NBEA: variants seen among roughly 807,000 people sequenced by gnomAD.
The protein encoded by NBEA is lysosomal-trafficking regulator 2.
In NBEA, 44 loss-of-function variants were observed where a neutral mutation model predicts 343.4. That is an observed-to-expected ratio of 0.13 (90% CI 0.10 to 0.16). The LOEUF (loss-of-function observed/expected upper bound fraction) is 0.16. Among genes scored for constraint, NBEA ranks in the 10% least tolerant of loss-of-function variants. The probability of loss-of-function intolerance (pLI) is 1.00; values close to 1 mark genes in which losing one functional copy is unlikely to be tolerated. For missense variants in NBEA, 2,555 were observed against 3,631.3 expected (o/e 0.70, Z 7.62); for synonymous variants, 1,175 against 1,238.7 (o/e 0.95, Z 1.08).
chr13:35,119,258 T>C (rs2066663527), intron 16 of NBEA, among the ~76,000 whole-genome samples: 2 of 152,182 alleles, frequency 1.3e-5, no homozygotes, highest in Admixed American at 6.6e-5. Flanking sequence ...TTCTGGAGTT[T>C]TAATTAGTGG....
chr13:35,125,991 A>G, intron 17 of NBEA, among the ~76,000 whole-genome samples: 1 of 145,790 alleles, frequency 6.9e-6, no homozygotes, highest in South Asian at 2.3e-4. Context: ...CCATATCTGG[A>G]AAAAAAAAAT....
chr13:35,247,884 A>C (rs2031438511), intron 34 of NBEA, among the ~76,000 whole-genome samples: 1 of 152,230 alleles, frequency 6.6e-6, no homozygotes, highest in Non-Finnish European at 1.5e-5. Flanking sequence ...TTTAGGGAAA[A>C]AAAAAGAAGA....
intron 38 of NBEA, among the ~76,000 whole-genome samples, chr13:35,425,077 G>T (rs1221949754): frequency 2.6e-5 from 4 of 151,950 alleles, no homozygotes; most frequent in African/African-American, 4.8e-5. Context: ...TATCAATTTT[G>T]TTGATCTTTT....
chr13:35,542,693 C>G (rs2078888480), intron 41 of NBEA, among the ~76,000 whole-genome samples: 1 of 151,944 alleles, frequency 6.6e-6, no homozygotes, highest in South Asian at 2.1e-4. Context: ...TTAACAGTTA[C>G]AATTTTCCAT....
intron 34 of NBEA, among the ~76,000 whole-genome samples, chr13:35,243,358 G>T (rs1308932552): frequency 6.6e-6 from 1 of 151,776 alleles, no homozygotes; most frequent in East Asian, 1.9e-4. Context: ...AGAAATAAGA[G>T]ACAAAAATAC....
chr13:35,135,071 G>T (rs967891581), intron 17 of NBEA, among the ~76,000 whole-genome samples: 3 of 151,932 alleles, frequency 2.0e-5, no homozygotes, highest in African/African-American at 7.2e-5. Context: ...GTAATATCCA[G>T]TCATTAATAA....
intron 34 of NBEA, among the ~76,000 whole-genome samples, chr13:35,268,989 C>G (rs147493560): frequency 1.3e-3 from 201 of 152,022 alleles, no homozygotes; most frequent in African/African-American, 4.7e-3. Context: ...AATTTATTGC[C>G]AGCAGATCTG....
chr13:35,655,187 C>T (rs561045743), intron 54 of NBEA, among the ~76,000 whole-genome samples, 177 bp downstream of exon 54: 110 of 152,150 alleles, frequency 7.2e-4, no homozygotes, highest in Admixed American at 2.6e-3. Context: ...TCATGTATTC[C>T]GAACGTTAGC....
chr13:35,414,472 C>T (rs987933440), intron 38 of NBEA, among the ~76,000 whole-genome samples: 3 of 151,542 alleles, frequency 2.0e-5, no homozygotes, highest in African/African-American at 7.3e-5. Flanking sequence ...TGAGTGAGAA[C>T]ATGTGGTGGT....
rs1164209767 is a variant in NBEA at position 35,001,606 on chromosome 13, G to A, written c.295-39327G>A. Among the ~76,000 whole-genome samples the A allele has an allele frequency of 3.3e-5, 5 of 152,038 alleles. No individual in the cohort carries two copies. In the East Asian group the frequency reaches 9.6e-4, roughly 29 times the overall value. ...ATACCACATGTTCTCACTCATATGT[G>A]GAAGATAAAAAAAGTTGATCTCATG... On this transcript the variant is annotated intron_variant, in intron 1 of 58. Coordinates refer to ENST00000379939, the MANE Select transcript of NBEA (RefSeq NM_001385012.1).
chr13:34,958,812 T>C (rs1194731877), intron 1 of NBEA, among the ~76,000 whole-genome samples: 6 of 152,166 alleles, frequency 3.9e-5, no homozygotes, highest in Middle Eastern at 3.2e-3. Flanking sequence ...TTTATCAAAG[T>C]AGAGTTAAAT....
chr13:35,369,758 A>T (rs1052686967), intron 38 of NBEA, among the ~76,000 whole-genome samples: 7 of 151,934 alleles, frequency 4.6e-5, no homozygotes, highest in Non-Finnish European at 1.0e-4. Context: ...TGGAGTCTTT[A>T]GGTTTTTCTA....
intron 38 of NBEA, among the ~76,000 whole-genome samples, chr13:35,356,798 T>G (rs1302756763): frequency 6.6e-6 from 1 of 152,164 alleles, no homozygotes; most frequent in Non-Finnish European, 1.5e-5. Context: ...GTCTGTTTTG[T>G]ATACAGGCCA....
intron 38 of NBEA, among the ~76,000 whole-genome samples, chr13:35,423,948 G>T (rs565469959): frequency 6.6e-6 from 1 of 152,242 alleles, no homozygotes; most frequent in East Asian, 1.9e-4. Flanking sequence ...TTGGCTCTCT[G>T]TTTGTCTGTT....
chr13:35,123,429 T>C lies in NBEA; in HGVS notation c.2244-53T>C. The C allele has an allele frequency of 3.9e-6, 4 of 1,015,700 alleles. No individual in the cohort carries two copies. The East Asian group carries it at 8.3e-5, about 21-fold the overall frequency. The allele number at this position is 1,015,700 out of a possible 1,614,324, so 62.9% of individuals were successfully genotyped here. On this transcript the variant is annotated intron_variant, in intron 16 of 58. Transcript: ENST00000379939. ...ATTTATCTGTAAAGCATGTAGTGTG[T>C]TTTTGTTTTTAATATTAGTAAGTTT... is the stretch of plus-strand genomic sequence containing the variant.
At chr13:35,412,261 A>G (rs1594535168) in intron 38 of NBEA, among the ~76,000 whole-genome samples, 1 of 152,272 alleles carries the variant, frequency 6.6e-6, no homozygotes, top group Middle Eastern at 3.4e-3. Flanking sequence ...ATCACTGAGA[A>G]TACATCCAAC....
At chr13:35,421,263 C>G (rs1259171421) in intron 38 of NBEA, among the ~76,000 whole-genome samples, 1 of 151,682 alleles carries the variant, frequency 6.6e-6, no homozygotes, top group South Asian at 2.1e-4. Flanking sequence ...ATTTTTTCTG[C>G]CTTCCTGTGG....
At chr13:35,256,021 G>A (rs947029411) in intron 34 of NBEA, among the ~76,000 whole-genome samples, 1 of 151,852 alleles carries the variant, frequency 6.6e-6, no homozygotes, top group Non-Finnish European at 1.5e-5. Flanking sequence ...GATACCTGGA[G>A]TGAGTAGCTC....
intron 55 of NBEA, among the ~76,000 whole-genome samples, chr13:35,661,588 C>T (rs1033184678): frequency 2.0e-5 from 3 of 152,106 alleles, no homozygotes; most frequent in African/African-American, 4.8e-5. Context: ...GTATTTGATA[C>T]TTGGAACAGA....
Sources: gnomAD v4.1 joint callset for allele counts (sites outside exome capture counted in the v4.1 genomes callset) on GRCh38, gnomAD v4.1.1 for gene constraint, MANE v1.5 for transcripts, NCBI Gene and HGNC (gene_info 2026-07-23, HGNC 2026-07-21) for gene names.